The following DGKQ variants were observed in gnomAD, a reference collection of about 807,000 sequenced individuals.
DGKQ encodes the protein DAG kinase theta.
In DGKQ, 97 loss-of-function variants were observed where a neutral mutation model predicts 104.2. That is an observed-to-expected ratio of 0.93 (90% CI 0.79 to 1.10). The LOEUF is 1.10. DGKQ is among the 50% of genes least tolerant of loss of function. The pLI is 0.00. For missense variants in DGKQ, 1,465 were observed against 1,352.1 expected, an observed-to-expected ratio of 1.08 and a Z score of -1.31; for synonymous variants, 736 against 595.2, an observed-to-expected ratio of 1.24 and a Z score of -3.44.
intron 8 of DGKQ, 38 bp downstream of exon 8, chr4:967,511 T>G (rs1205486562): frequency 3.0e-5 from 47 of 1,593,022 alleles, no homozygotes; most frequent in Non-Finnish European, 3.9e-5. Context: ...CATGCGGTCC[T>G]GGGAGGGGGC....
In DGKQ at chr4:959,727, T is replaced by TGG. The variant is rs36073129; in HGVS notation, c.*891_*892dup. 6.6e-6 allele frequency: 1 copy of TGG among 152,192 alleles called. No homozygotes were observed. Among genetic ancestry groups the TGG allele is most frequent in the Admixed American group, 6.5e-5 (1 of 15,284 alleles). 9.4% of individuals were successfully genotyped at this position (152,192 alleles called of 1,614,324 possible). A position where few individuals can be genotyped will look rare whatever the true frequency, so the allele number is the denominator to read the frequency against. ...AAAGCCAGCTCCTCCTCCACGTGCA[T>TGG]GGGCTGTTTACACCTCCCAAACTCC... On this transcript the variant is annotated 3_prime_UTR_variant, in exon 23 of 23. Coordinates refer to ENST00000273814, the MANE Select transcript of DGKQ (RefSeq NM_001347.4).
In DGKQ at chr4:969,158, A is replaced by T. The variant is rs528410163; in HGVS notation, c.352-248T>A. ...CAGCCCTGCCTAGCGCAGGGGAGCG[A>T]GGCCCCAGGAACAACCACACCCCCG... On this transcript the variant is annotated intron_variant, in intron 2 of 22. Transcript: ENST00000273814. Among the ~76,000 whole-genome samples the T allele has an allele frequency of 2.0e-5, 3 of 152,200 alleles. No individual in the cohort carries two copies. In the East Asian group the frequency reaches 5.8e-4, roughly 29 times the overall value.
chr4:961,768 G>T lies in DGKQ; in HGVS notation c.2382C>A (p.His794Gln). Reference sequence around the variant, plus strand: ...GCTCCACCTGCAGCCGGATCTGCTTGTGCAGGCTCCGAGAGTGACTGATCT... The same window carrying T: ...GCTCCACCTGCAGCCGGATCTGCTTTTGCAGGCTCCGAGAGTGACTGATCT... ...LQKISHSRSL[H>Q]KQIRLQVERQ... The change falls in exon 20 of 23, where the codon CAC becomes CAA. Residue 794 changes from histidine (H) to glutamine (Q), a missense_variant. His to Gln is a conservative substitution (Grantham distance 24). Transcript: ENST00000273814. 1 of 1,612,318 alleles carries T rather than the reference G, an allele frequency of 6.2e-7. No homozygotes were observed.
In DGKQ at chr4:973,461, C is replaced by A; in HGVS notation, c.22G>T (p.Gly8Trp). 2 of 986,480 alleles carry A rather than the reference C, an allele frequency of 2.0e-6. No individual in the cohort carries two copies. The highest frequency in any genetic ancestry group is 2.4e-6 in the Non-Finnish European group (2 of 831,864). The allele number at this position is 986,480 out of a possible 1,614,324, so 61.1% of individuals were successfully genotyped here. Residue 8 changes from glycine to tryptophan, a missense_variant, in exon 1 of 23, where the codon GGG (glycine) becomes TGG (tryptophan). Coordinates refer to ENST00000273814, the MANE Select transcript of DGKQ (RefSeq NM_001347.4). The part of the protein sequence containing the change: MAAAAEP[G>W]ARAWLGGGSP... ...CCGCCGCCCAGCCAGGCGCGGGCCC[C>A]GGGCTCGGCCGCCGCCGCCATTCCC...
chr4:968,678 C>T (rs1044079562), intron 3 of DGKQ, 114 bp from the exon 4 acceptor site: 40 of 1,356,274 alleles, frequency 2.9e-5, no homozygotes, highest in Non-Finnish European at 3.9e-5. Context: ...TTTAAGTGTC[C>T]TGTGGCCTGC....
rs371474125 is a variant in DGKQ at position 961,649 on chromosome 4, C to T, written c.2462+39G>A. 9.7e-5 allele frequency: 156 copies of T among 1,611,314 alleles called. No individual in the cohort carries two copies. The African/African-American group carries it at 1.5e-3, about 15-fold the overall frequency. The stretch of plus-strand genomic sequence containing the variant: ...CGAGGGCTGAGCCTGCCCATGGCCC[C>T]GCCGGGCAGAGCCTCTGGGGAGCCC... On this transcript the variant is annotated intron_variant, in intron 20 of 22. Transcript: ENST00000273814.
Position 973,284 on chromosome 4 carries a change from T to G in DGKQ, c.199A>C (p.Thr67Pro), listed in dbSNP as rs2153012065. Residue 67 changes from threonine (T) to proline (P), a missense_variant, in exon 1 of 23, where the codon ACG becomes CCG. Physicochemically the swap from Thr to Pro is conservative, Grantham distance 38. Coordinates refer to ENST00000273814, the MANE Select transcript of DGKQ (RefSeq NM_001347.4). ...AAPGHSFRKVTLTKPTFCHLC... is the reference protein window; with the variant it reads ...AAPGHSFRKVPLTKPTFCHLC... ...TGGCAGAAGGTGGGCTTGGTGAGCGTCACCTTCCGGAAGCTGTGTCCCGGC... is the reference window on the plus strand; with the variant it reads ...TGGCAGAAGGTGGGCTTGGTGAGCGGCACCTTCCGGAAGCTGTGTCCCGGC... 1 of 1,534,166 alleles carries G rather than the reference T, an allele frequency of 6.5e-7. No homozygotes were observed. Among genetic ancestry groups the G allele is most frequent in the Non-Finnish European group, 8.7e-7 (1 of 1,143,462 alleles).
chr4:960,736 G>A lies in DGKQ; in HGVS notation c.2728-15C>T, dbSNP rs750717630. ...AGCATGTGCACCTGTCCCAGGGCAG[G>A]GGACAGAGGACCAGGGTGACATGGC... On this transcript the variant is annotated splice_polypyrimidine_tract_variant and intron_variant, in intron 22 of 22. Transcript: ENST00000273814. The A allele has an allele frequency of 1.2e-6, 2 of 1,610,368 alleles. No homozygotes were observed. Among genetic ancestry groups the A allele is most frequent in the East Asian group, 2.2e-5 (1 of 44,830 alleles).
chr4:963,148 G>A lies in DGKQ; in HGVS notation c.1877C>T (p.Pro626Leu), dbSNP rs752283802. 6.3e-7 allele frequency: 1 copy of A among 1,597,572 alleles called. No homozygotes were observed. Among genetic ancestry groups the A allele is most frequent in the East Asian group, 2.3e-5 (1 of 44,432 alleles). The change falls in exon 16 of 23, where the codon CCT becomes CTT. Residue 626 changes from proline to leucine, a missense_variant. Physicochemically the swap from Pro to Leu is moderately conservative, Grantham distance 98. Coordinates refer to ENST00000273814, the MANE Select transcript of DGKQ (RefSeq NM_001347.4). ...HQVFDLTNGG[P>L]LPGLHLFSQV... ...GTCCTGCTGGACTCACCCGGGAAGA[G>A]GACCTCCGTTGGTCAGGTCGAAGAC...
chr4:963,877 C>T (rs895852395), intron 15 of DGKQ, among the ~76,000 whole-genome samples: 11 of 152,142 alleles, frequency 7.2e-5, no homozygotes, highest in Admixed American at 5.2e-4. Flanking sequence ...GGGATCCCTA[C>T]GACAGGAGGC....
Position 960,421 on chromosome 4 carries a change from G to A in DGKQ, c.*199C>T. On this transcript the variant is annotated 3_prime_UTR_variant, in exon 23 of 23. Coordinates refer to ENST00000273814, the MANE Select transcript of DGKQ (RefSeq NM_001347.4). ...CACACCAGTCTCCAGTGGGATGAGG[G>A]CTGTGACACCAACATGTGTCACCAA... 3.3e-6 allele frequency: 2 copies of A among 597,866 alleles called. No homozygotes were observed. Among genetic ancestry groups the A allele is most frequent in the Non-Finnish European group, 6.0e-6 (2 of 333,692 alleles). 37.0% of individuals were successfully genotyped at this position (597,866 alleles called of 1,614,324 possible).
intron 2 of DGKQ, among the ~76,000 whole-genome samples, chr4:970,525 A>T (rs1226959348): frequency 1.3e-5 from 2 of 152,062 alleles, no homozygotes; most frequent in Non-Finnish European, 2.9e-5. Context: ...CTTTTTATTC[A>T]AGCTTCCTTG....
At chr4:966,554 A>G (rs1233067271) in intron 11 of DGKQ, 27 bp from the exon 12 acceptor site, 2 of 1,605,012 alleles carry the variant, frequency 1.2e-6, no homozygotes, top group Admixed American at 3.4e-5. Flanking sequence ...ACAGGCCGTC[A>G]GCACCCGGCT....
chr4:972,007 C>A lies in DGKQ; in HGVS notation c.272-935G>T, dbSNP rs78794319. ...GCTCTGGAAGCAGGCCAGGGTCCAC[C>A]GAGAGAAGGGGGGACAGGCAGCACC... is the stretch of plus-strand genomic sequence containing the variant. On this transcript the variant is annotated intron_variant, in intron 1 of 22. Transcript: ENST00000273814. Among the ~76,000 whole-genome samples, 258 of 152,194 alleles carry A rather than the reference C, an allele frequency of 1.7e-3. 1 individual carries two copies. Among genetic ancestry groups the A allele is most frequent in the African/African-American group, 5.9e-3 (247 of 41,534 alleles).
chr4:966,754 T>G lies in DGKQ; in HGVS notation c.1360A>C (p.Arg454=), dbSNP rs35117553. ...GCACGGGCTGTCTACTCACCGTGCCTGCAGCCCATCGCCACCTCCACCAGC... is the reference window on the plus strand; with the variant it reads ...GCACGGGCTGTCTACTCACCGTGCCGGCAGCCCATCGCCACCTCCACCAGC... ...FQLVEVAMGC[R]HVQRTMLMDE... Residue 454 remains arginine, a synonymous_variant, in exon 11 of 23, where the codon AGG becomes CGG. Coordinates refer to ENST00000273814, the MANE Select transcript of DGKQ (RefSeq NM_001347.4). 0.036 allele frequency: 58,602 copies of G among 1,608,084 alleles called. 1,310 individuals carry two copies. Among genetic ancestry groups the G allele is most frequent in the Non-Finnish European group, 0.044 (52,151 of 1,177,812 alleles).
rs149136229 is a variant in DGKQ at position 966,051 on chromosome 4, G to A, written c.1456C>T (p.Arg486Trp). The A allele has an allele frequency of 8.7e-6, 14 of 1,603,294 alleles. No individual in the cohort carries two copies. The highest frequency in any genetic ancestry group is 3.4e-5 in the Admixed American group (2 of 58,474). ...QMSVRQVSQT[R>W]FYVAESRDVA... ...TCCCTGCTCTCTGCCACGTAGAACC[G>A]CGTCTGGCTCACCTGCCGCACAGAC... is the stretch of plus-strand genomic sequence containing the variant. The change falls in exon 13 of 23, where the codon CGG (arginine) becomes TGG (tryptophan). Residue 486 changes from arginine to tryptophan, a missense_variant. Physicochemically the swap from Arg to Trp is moderately radical, Grantham distance 101 (BLOSUM62 -3). Transcript: ENST00000273814.
intron 14 of DGKQ, 51 bp downstream of exon 14, chr4:965,440 C>T: frequency 1.6e-5 from 26 of 1,591,382 alleles, no homozygotes; most frequent in Non-Finnish European, 2.1e-5. Flanking sequence ...CCCACTTCAC[C>T]CCAGGAACAC....
chr4:966,860 C>T (rs2153009644), intron 10 of DGKQ, 58 bp from the exon 11 acceptor site: 23 of 1,573,186 alleles, frequency 1.5e-5, no homozygotes, highest in South Asian at 2.3e-5. Flanking sequence ...TCAGGACACC[C>T]GCGGGGACAG....
chr4:967,468 G>A (rs964392756), intron 8 of DGKQ, 81 bp downstream of exon 8: 1 of 1,498,196 alleles, frequency 6.7e-7, no homozygotes, highest in Non-Finnish European at 9.1e-7. Context: ...CGCCAGGTTG[G>A]GGGAGCCAGG....
Sources: gnomAD v4.1 joint callset for allele counts (sites outside exome capture counted in the v4.1 genomes callset) on GRCh38, gnomAD v4.1.1 for gene constraint, MANE v1.5 for transcripts, NCBI Gene and HGNC (gene_info 2026-07-23, HGNC 2026-07-21) for gene names.